ABCA6: variants seen among roughly 807,000 people sequenced by gnomAD.
ABCA6 encodes the protein ATP-binding cassette sub-family A member 6.
ABCA6 carries 164 observed loss-of-function variants against 191.2 expected under a neutral mutation model. The ratio of observed to expected loss-of-function variants is 0.86; its 90% CI spans 0.76 to 0.98. ABCA6 has a LOEUF of 0.98. Among genes scored for constraint, ABCA6 ranks in the 50% least tolerant of loss-of-function variants. ABCA6 has a pLI of 0.00. For missense variants in ABCA6, 1,958 were observed against 1,894.1 expected (o/e 1.03, Z -0.63); for synonymous variants, 636 against 647.7 (o/e 0.98, Z 0.27).
Position 69,079,087 on chromosome 17 carries a change from C to G in ABCA6, c.4753-13G>C. On this transcript the variant is annotated splice_polypyrimidine_tract_variant and intron_variant, in intron 38 of 38. Coordinates refer to ENST00000284425, the MANE Select transcript of ABCA6 (RefSeq NM_080284.3). ...GCTCTAAGAATACCTAATTAGGAGA[C>G]AAAGAAGAAGGAAAGAAGGAAGAGA... The G allele has an allele frequency of 1.9e-6, 3 of 1,585,498 alleles. No individual in the cohort carries two copies. The highest frequency in any genetic ancestry group is 2.6e-6 in the Non-Finnish European group (3 of 1,160,000).
intron 10 of ABCA6, among the ~76,000 whole-genome samples, chr17:69,122,472 C>T (rs72850819): frequency 0.025 from 3,867 of 152,078 alleles, 71 homozygotes; most frequent in Non-Finnish European, 0.041. Context: ...CTGTGATATA[C>T]CAAGTCTCAT....
rs759368908 is a variant in ABCA6 at position 69,113,741 on chromosome 17, T to C, written c.1783-4A>G. ...ATTCCAATAATATTCGTTGTACCTATATGAGAAAATACGCAACTTTTAAAA... is the reference window on the plus strand; with the variant it reads ...ATTCCAATAATATTCGTTGTACCTACATGAGAAAATACGCAACTTTTAAAA... On this transcript the variant is annotated splice_region_variant and splice_polypyrimidine_tract_variant and intron_variant, in intron 13 of 38. Transcript: ENST00000284425. The C allele has an allele frequency of 3.5e-5, 56 of 1,606,962 alleles. No individual in the cohort carries two copies. Among genetic ancestry groups the C allele is most frequent in the Non-Finnish European group, 1.7e-6 (2 of 1,177,198 alleles).
At chr17:69,087,642 T>C in intron 28 of ABCA6, 169 bp from the exon 29 acceptor site, 1 of 818,514 alleles carries the variant, frequency 1.2e-6, no homozygotes, top group Non-Finnish European at 1.9e-6. Flanking sequence ...CCTGTCCCAC[T>C]AGCCAGAATC....
rs9907909 is a variant in ABCA6, at chr17:69,103,024, C to T, written c.2741-56G>A. On this transcript the variant is annotated intron_variant, in intron 20 of 38. Coordinates refer to ENST00000284425, the MANE Select transcript of ABCA6 (RefSeq NM_080284.3). ...GAAAAGTAAGAAAATACATATCAAA[C>T]TTTTAAAATAAGTCATATACATAAT... The T allele has an allele frequency of 2.6e-4, 289 of 1,102,298 alleles. No homozygotes were observed. The African/African-American group carries it at 4.2e-3, about 16-fold the overall frequency. 68.3% of individuals were successfully genotyped at this position (1,102,298 alleles called of 1,614,324 possible). A position where few individuals can be genotyped will look rare whatever the true frequency, so the allele number is the denominator to read the frequency against.
chr17:69,139,261 A>C (rs1022776402), intron 2 of ABCA6, among the ~76,000 whole-genome samples: 1 of 152,156 alleles, frequency 6.6e-6, no homozygotes, highest in East Asian at 1.9e-4. Flanking sequence ...AAAAAAACAA[A>C]CAGCCCCATC....
At chr17:69,133,456 G>C (rs891507491) in intron 6 of ABCA6, among the ~76,000 whole-genome samples, 185 bp downstream of exon 6, 1 of 152,120 alleles carries the variant, frequency 6.6e-6, no homozygotes, top group African/African-American at 2.4e-5. Context: ...CAGAAAAAGT[G>C]CTCAGCACAT....
rs1389805206 is a variant in ABCA6 at position 69,105,548 on chromosome 17, C to A, written c.2654G>T (p.Trp885Leu). 6.3e-7 allele frequency: 1 copy of A among 1,598,650 alleles called. No homozygotes were observed. Among genetic ancestry groups the A allele is most frequent in the Non-Finnish European group, 8.6e-7 (1 of 1,167,854 alleles). ...MYAMLNEKIDWEFKNELYFLS... is the reference protein window; with the variant it reads ...MYAMLNEKIDLEFKNELYFLS... ...AAAATACAATTCGTTTTTAAATTCC[C>A]AATCGATCTTTTCATTTAACATAGC... The change falls in exon 20 of 39, where the codon TGG (tryptophan) becomes TTG (leucine). Residue 885 changes from tryptophan to leucine, a missense_variant. Trp to Leu is a moderately conservative substitution (Grantham distance 61). Transcript: ENST00000284425.
chr17:69,136,576 A>AT (rs2073951704), intron 3 of ABCA6, among the ~76,000 whole-genome samples: 1 of 152,214 alleles, frequency 6.6e-6, no homozygotes, highest in East Asian at 1.9e-4. Context: ...TGTAGTTACT[A>AT]TACAGTCAGG....
intron 29 of ABCA6, among the ~76,000 whole-genome samples, 180 bp downstream of exon 29, chr17:69,087,173 G>A (rs1399512332): frequency 6.6e-6 from 1 of 152,102 alleles, no homozygotes; most frequent in African/African-American, 2.4e-5. Flanking sequence ...TAGCTTCTAG[G>A]ACACTCTGAA....
At chr17:69,100,662 C>T (rs571702511) in intron 22 of ABCA6, 135 bp downstream of exon 22, 33 of 943,102 alleles carry the variant, frequency 3.5e-5, no homozygotes, top group Non-Finnish European at 4.7e-5. Flanking sequence ...TTGCTATAAC[C>T]CATTGAAAAT....
Position 69,079,508 on chromosome 17 carries a change from G to A in ABCA6, c.4697-243C>T, listed in dbSNP as rs74996028. Among the ~76,000 whole-genome samples, 1,422 of 152,166 alleles carry A rather than the reference G, an allele frequency of 9.3e-3. 14 individuals carry two copies. Among genetic ancestry groups the A allele is most frequent in the African/African-American group, 0.031 (1,300 of 41,496 alleles). On this transcript the variant is annotated intron_variant, in intron 37 of 38. Coordinates refer to ENST00000284425, the MANE Select transcript of ABCA6 (RefSeq NM_080284.3). ...TAATATTTGTTTTGGTATTGCGTGC[G>A]TATGTCTTTGGAAGATACATATGTT...
At chr17:69,085,747 G>A in intron 30 of ABCA6, 31 bp from the exon 31 acceptor site, 1 of 1,434,330 alleles carries the variant, frequency 7.0e-7, no homozygotes, top group Non-Finnish European at 9.8e-7. Context: ...ATCAATATTG[G>A]AAGTGAAATA....
intron 12 of ABCA6, 50 bp downstream of exon 12, chr17:69,115,326 C>A: frequency 1.5e-6 from 2 of 1,372,516 alleles, no homozygotes; most frequent in Non-Finnish European, 2.0e-6. Flanking sequence ...TATGCTTGAC[C>A]TCATTCTATT....
Position 69,100,784 on chromosome 17 carries a change from A to C in ABCA6, c.3012+13T>G. 1 of 1,602,640 alleles carries C rather than the reference A, an allele frequency of 6.2e-7. No homozygotes were observed. The highest frequency in any genetic ancestry group is 8.5e-7 in the Non-Finnish European group (1 of 1,175,590). Reference sequence around the variant, plus strand: ...ATTCTTAATTGTTTAGACTCAGTAAATCCAATACTTACAAGAGGAAATGGG... The same window carrying C: ...ATTCTTAATTGTTTAGACTCAGTAACTCCAATACTTACAAGAGGAAATGGG... On this transcript the variant is annotated intron_variant, in intron 22 of 38. Coordinates refer to ENST00000284425, the MANE Select transcript of ABCA6 (RefSeq NM_080284.3).
chr17:69,083,446 G>A, intron 34 of ABCA6, 115 bp from the exon 35 acceptor site: 1 of 1,038,146 alleles, frequency 9.6e-7, no homozygotes, highest in Non-Finnish European at 1.3e-6. Context: ...ATAGTGCAAT[G>A]TAAGTACTGA....
chr17:69,129,800 A>G (rs756320564), intron 6 of ABCA6, 49 bp from the exon 7 acceptor site: 9 of 1,339,322 alleles, frequency 6.7e-6, no homozygotes, highest in Non-Finnish European at 9.2e-6. Flanking sequence ...TATTTACAAA[A>G]TATTTAATAT....
chr17:69,109,538 T>C (rs1386525616), intron 17 of ABCA6: 1 of 152,204 alleles, frequency 6.6e-6, no homozygotes, highest in African/African-American at 2.4e-5. Context: ...TCCTGCCTTA[T>C]CTACAGTTTC....
chr17:69,081,164 C>T lies in ABCA6; in HGVS notation c.4617-19G>A, dbSNP rs202190218. 52 of 1,442,872 alleles carry T rather than the reference C, an allele frequency of 3.6e-5. No homozygotes were observed. The Admixed American group carries it at 4.2e-4, about 12-fold the overall frequency. 89.4% of individuals were successfully genotyped at this position (1,442,872 alleles called of 1,614,324 possible). A position where few individuals can be genotyped will look rare whatever the true frequency, so the allele number is the denominator to read the frequency against. ...GGAATACCTGAAAACAGGAAGATGT[C>T]GTTTTCAGCTCTGAGTTTCAAGGGG... On this transcript the variant is annotated intron_variant, in intron 36 of 38. Transcript: ENST00000284425.
At chr17:69,087,223 T>C in intron 29 of ABCA6, 130 bp downstream of exon 29, 1 of 1,132,486 alleles carries the variant, frequency 8.8e-7, no homozygotes, top group Non-Finnish European at 1.2e-6. Flanking sequence ...TTCTTTGGAG[T>C]GTCCTGGACG....
Sources: gnomAD v4.1 joint callset for allele counts (sites outside exome capture counted in the v4.1 genomes callset) on GRCh38, gnomAD v4.1.1 for gene constraint, MANE v1.5 for transcripts, NCBI Gene and HGNC (gene_info 2026-07-23, HGNC 2026-07-21) for gene names.